Variants in RANGAP1 observed in about 807,000 individuals in gnomAD.
RANGAP1 encodes the protein Ran GTPase activating protein 1.
In RANGAP1, 38 loss-of-function variants were observed where a neutral mutation model predicts 63.5. The ratio of observed to expected loss-of-function variants is 0.60; its 90% CI spans 0.46 to 0.78. The LOEUF is 0.78. Among genes scored for constraint, RANGAP1 ranks in the 30% least tolerant of loss-of-function variants. The pLI is 0.00. For synonymous variants in RANGAP1, 329 were observed against 310.5 expected, an observed-to-expected ratio of 1.06 and a Z score of -0.63; for missense variants, 630 against 740.3, an observed-to-expected ratio of 0.85 and a Z score of 1.73.
chr22:41,292,587 C>A, the RANGAP1 span, among the ~76,000 whole-genome samples: 3 of 151,568 alleles, frequency 2.0e-5, no homozygotes, highest in South Asian at 6.3e-4. Flanking sequence ...GGTGAAACCC[C>A]GTCTCTACTA....
At chr22:41,254,642 A>G in intron 10 of RANGAP1, 148 bp from the exon 11 acceptor site, 2 of 1,480,442 alleles carry the variant, frequency 1.4e-6, no homozygotes, top group Non-Finnish European at 1.8e-6. Context: ...GGGCAGGGGC[A>G]GGTGGATCAC....
chr22:41,288,852 G>A (rs571123046), upstream of RANGAP1, among the ~76,000 whole-genome samples: 1 of 151,706 alleles, frequency 6.6e-6, no homozygotes, highest in South Asian at 2.1e-4. Flanking sequence ...CACATTCGAA[G>A]CTAAAAATCA....
At chr22:41,254,108 CAAA>C (rs369676930) in intron 11 of RANGAP1, among the ~76,000 whole-genome samples, 197 bp downstream of exon 11, 1 of 103,674 alleles carries the variant, frequency 9.6e-6, no homozygotes. Flanking sequence ...GACTCCATCT[CAAA>C]AAAAAAAAAA....
intron 2 of RANGAP1, among the ~76,000 whole-genome samples, chr22:41,278,290 C>A (rs962849297): frequency 1.8e-4 from 27 of 152,240 alleles, no homozygotes; most frequent in African/African-American, 6.5e-4. Context: ...CTGCCCACCT[C>A]GGCCTCCCAA....
At position 41,259,382 on chromosome 22, in the gene RANGAP1, C is replaced by G. The variant is rs549750719; in HGVS notation, c.616-1276G>C. ...CTTAGTATTTTCTGTGCCATGAACC[C>G]TTCAGGCAGTCTGGTGAAGCCCCTG... On this transcript the variant is annotated intron_variant, in intron 6 of 15. Coordinates refer to ENST00000356244, the MANE Select transcript of RANGAP1 (RefSeq NM_002883.4). Among the ~76,000 whole-genome samples, 12 of 152,320 alleles carry G rather than the reference C, an allele frequency of 7.9e-5. 1 individual carries two copies. In the South Asian group the frequency reaches 2.5e-3, roughly 32 times the overall value.
the RANGAP1 span, among the ~76,000 whole-genome samples, chr22:41,291,990 C>T: frequency 5.3e-5 from 8 of 151,902 alleles, no homozygotes; most frequent in African/African-American, 1.2e-4. Context: ...GGTGCAATCT[C>T]GGCTTCCTGA....
chr22:41,296,989 T>C, the RANGAP1 span, among the ~76,000 whole-genome samples: 1 of 152,150 alleles, frequency 6.6e-6, no homozygotes, highest in Admixed American at 6.6e-5. Flanking sequence ...GGCGGACAGA[T>C]CACTTGAGAT....
intron 15 of RANGAP1, 141 bp from the exon 16 acceptor site, chr22:41,246,813 C>T (rs1204625674): frequency 6.3e-6 from 5 of 789,756 alleles, no homozygotes; most frequent in African/African-American, 5.1e-5. Context: ...CTGCCTTCTG[C>T]ACACCGTGGG....
chr22:41,297,832 A>G, the RANGAP1 span, among the ~76,000 whole-genome samples: 1 of 150,924 alleles, frequency 6.6e-6, no homozygotes, highest in Non-Finnish European at 1.5e-5. Context: ...CTGGGACTAC[A>G]GGTGCACACC....
At chr22:41,280,348 G>A (rs2035425873) in intron 2 of RANGAP1, among the ~76,000 whole-genome samples, 1 of 152,218 alleles carries the variant, frequency 6.6e-6, no homozygotes, top group African/African-American at 2.4e-5. Context: ...GTGATTCAGG[G>A]TTGGTCAGTG....
At chr22:41,299,471 G>A in the RANGAP1 span, among the ~76,000 whole-genome samples, 16 of 152,138 alleles carry the variant, frequency 1.1e-4, 1 homozygote, top group East Asian at 2.5e-3. Flanking sequence ...GTTTCACTAC[G>A]TTAGCCGTGC....
chr22:41,299,870 G>A, the RANGAP1 span, among the ~76,000 whole-genome samples: 2 of 151,854 alleles, frequency 1.3e-5, no homozygotes, highest in African/African-American at 4.8e-5. Flanking sequence ...TCCTGTCTCA[G>A]CCTCCTGTGT....
the RANGAP1 span, among the ~76,000 whole-genome samples, chr22:41,293,252 T>C: frequency 6.9e-6 from 1 of 145,896 alleles, no homozygotes; most frequent in South Asian, 2.2e-4. Context: ...AAAAAAAAAA[T>C]TATACAAAAA....
chr22:41,274,309 C>T (rs906112209), intron 3 of RANGAP1, among the ~76,000 whole-genome samples: 5 of 152,258 alleles, frequency 3.3e-5, no homozygotes, highest in African/African-American at 1.2e-4. Flanking sequence ...AACCTTCCCA[C>T]CTCACATGTG....
chr22:41,261,815 T>C (rs540008796), intron 5 of RANGAP1, among the ~76,000 whole-genome samples: 1 of 152,278 alleles, frequency 6.6e-6, no homozygotes, highest in African/African-American at 2.4e-5. Context: ...AGCTTCACTT[T>C]CGAGACGGGG....
intron 3 of RANGAP1, among the ~76,000 whole-genome samples, chr22:41,270,812 T>C (rs1200330261): frequency 6.6e-6 from 1 of 152,242 alleles, no homozygotes. Flanking sequence ...ATCTGCTTAG[T>C]AGTTCCACCT....
intron 5 of RANGAP1, among the ~76,000 whole-genome samples, chr22:41,263,431 C>T (rs1480926015): frequency 6.6e-6 from 1 of 152,192 alleles, no homozygotes. Flanking sequence ...GTTGCCCAGG[C>T]TGGAGTGCAG....
At position 41,256,182 on chromosome 22, in the gene RANGAP1, T is replaced by C. The variant is rs1259169971; in HGVS notation, c.988+9A>G. On this transcript the variant is annotated intron_variant, in intron 9 of 15. Transcript: ENST00000356244. ...CAGACCTGTGCAGAGGCCTCCCCCA[T>C]CCGACTACCATTCAGGTCCAGCTTC... 6 of 1,613,940 alleles carry C rather than the reference T, an allele frequency of 3.7e-6. No individual in the cohort carries two copies. Among genetic ancestry groups the C allele is most frequent in the Admixed American group, 1.7e-5 (1 of 59,982 alleles).
chr22:41,296,282 A>C, the RANGAP1 span, among the ~76,000 whole-genome samples: 1 of 151,928 alleles, frequency 6.6e-6, no homozygotes, highest in Non-Finnish European at 1.5e-5. Context: ...GACAGTATAC[A>C]TCACTTAACT....
Sources: gnomAD v4.1 joint callset for allele counts (sites outside exome capture counted in the v4.1 genomes callset) on GRCh38, gnomAD v4.1.1 for gene constraint, MANE v1.5 for transcripts, NCBI Gene and HGNC (gene_info 2026-07-23, HGNC 2026-07-21) for gene names.